The following TLK2 variants were observed in gnomAD, a reference collection of about 807,000 sequenced individuals.
TLK2 encodes the protein serine/threonine-protein kinase tousled-like 2.
In TLK2, 6 loss-of-function variants were observed where a neutral mutation model predicts 117.3. That is an observed-to-expected ratio of 0.05 (90% CI 0.03 to 0.10). TLK2 has a LOEUF of 0.10. Ranked by LOEUF, TLK2 falls within the 10% of genes least tolerant of loss-of-function variation. The pLI is 1.00. For synonymous variants in TLK2, 257 were observed against 316.7 expected (o/e 0.81, Z 2.00); for missense variants, 299 against 901.2 (o/e 0.33, Z 8.56).
intron 7 of TLK2, among the ~76,000 whole-genome samples, chr17:62,541,427 G>A (rs1015036117): frequency 1.3e-5 from 2 of 151,372 alleles, no homozygotes; most frequent in Admixed American, 6.6e-5. Flanking sequence ...TAAATGAATC[G>A]TAATATATTT....
chr17:62,586,014 G>A, intron 15 of TLK2, 121 bp from the exon 16 acceptor site: 6 of 675,886 alleles, frequency 8.9e-6, no homozygotes, highest in East Asian at 5.5e-5. Context: ...ATATAAGTAT[G>A]TGATGTATTT....
chr17:62,608,110 C>T lies in TLK2; in HGVS notation c.2041C>T (p.Gln681Ter). Residue 681 changes from glutamine (Q) to a stop codon, truncating the protein, a stop_gained, in exon 21 of 22, where the codon CAG (glutamine) becomes TAG (stop). Coordinates refer to ENST00000346027, the MANE Select transcript of TLK2 (RefSeq NM_006852.6). LOFTEE classifies it high-confidence loss of function. ...ENTILKATEV[Q>*]FPPKPVVTPE... ...TACGATTCTTAAAGCTACTGAAGTG[C>T]AGTTCCCGCCAAAGCCAGTAGTAAC... 6.2e-7 allele frequency: 1 copy of T among 1,613,980 alleles called. No individual in the cohort carries two copies.
chr17:62,570,303 G>A (rs2080175823), intron 11 of TLK2, among the ~76,000 whole-genome samples: 1 of 152,188 alleles, frequency 6.6e-6, no homozygotes, highest in East Asian at 1.9e-4. Context: ...AGATTTGAAT[G>A]AGATGGATTT....
intron 19 of TLK2, among the ~76,000 whole-genome samples, chr17:62,602,463 G>A (rs983157846): frequency 6.6e-6 from 1 of 152,158 alleles, no homozygotes; most frequent in Non-Finnish European, 1.5e-5. Flanking sequence ...AGTTGGCCTT[G>A]CAAGTCAGTA....
At chr17:62,594,865 T>C (rs2082351112) in intron 16 of TLK2, among the ~76,000 whole-genome samples, 1 of 151,918 alleles carries the variant, frequency 6.6e-6, no homozygotes, top group South Asian at 2.1e-4. Flanking sequence ...CCAACACATG[T>C]GCCTTTGGGA....
At chr17:62,557,505 T>C (rs922213282) in intron 9 of TLK2, among the ~76,000 whole-genome samples, 1 of 152,204 alleles carries the variant, frequency 6.6e-6, no homozygotes, top group Non-Finnish European at 1.5e-5. Flanking sequence ...CATCTTTGAA[T>C]GAGGAGACCC....
At chr17:62,478,275 T>C (rs1451392226), upstream of TLK2, among the ~76,000 whole-genome samples, 2 of 147,330 alleles carry the variant, frequency 1.4e-5, no homozygotes, top group Non-Finnish European at 3.0e-5. Context: ...ACTCCATCCC[T>C]GGGAAAAGCC....
At chr17:62,575,196 A>G (rs1271157195) in intron 12 of TLK2, among the ~76,000 whole-genome samples, 1 of 152,204 alleles carries the variant, frequency 6.6e-6, no homozygotes, top group East Asian at 1.9e-4. Context: ...GTCCTGTGTA[A>G]AATCCAATCT....
At chr17:62,521,542 G>A (rs1050622157) in intron 3 of TLK2, among the ~76,000 whole-genome samples, 2 of 152,196 alleles carry the variant, frequency 1.3e-5, no homozygotes, top group East Asian at 1.9e-4. Flanking sequence ...GTAGCTAGGT[G>A]CCACCGTGCC....
At chr17:62,564,623 G>A (rs1316722031) in intron 10 of TLK2, among the ~76,000 whole-genome samples, 1 of 151,152 alleles carries the variant, frequency 6.6e-6, no homozygotes, top group Non-Finnish European at 1.5e-5. Flanking sequence ...CAGGAGAATC[G>A]CTTGAACCCG....
intron 6 of TLK2, among the ~76,000 whole-genome samples, chr17:62,535,600 C>T (rs2077055016): frequency 6.6e-6 from 1 of 151,856 alleles, no homozygotes; most frequent in South Asian, 2.1e-4. Context: ...AACCCCGTCT[C>T]TACTAAAAAT....
intron 2 of TLK2, among the ~76,000 whole-genome samples, chr17:62,512,348 G>A (rs980408106): frequency 2.7e-5 from 4 of 148,466 alleles, no homozygotes; most frequent in Middle Eastern, 3.3e-3. Flanking sequence ...TCAGCCTCCC[G>A]AGTAGCTGGG....
chr17:62,576,705 T>G lies in TLK2; in HGVS notation c.1122-4T>G. ...TTACTGAAACTTTTACCACTGTTTT[T>G]CAGGTTAACGTTAGCAGAATACCAT... is the stretch of plus-strand genomic sequence containing the variant. On this transcript the variant is annotated splice_polypyrimidine_tract_variant and splice_region_variant and intron_variant, in intron 12 of 21. Transcript: ENST00000346027. 1 of 1,611,632 alleles carries G rather than the reference T, an allele frequency of 6.2e-7. No homozygotes were observed. Among genetic ancestry groups the G allele is most frequent in the Non-Finnish European group, 8.5e-7 (1 of 1,178,646 alleles).
At chr17:62,497,094 A>G (rs921458845) in intron 2 of TLK2, among the ~76,000 whole-genome samples, 6 of 152,042 alleles carry the variant, frequency 3.9e-5, no homozygotes, top group African/African-American at 1.4e-4. Context: ...CCATCTCTCC[A>G]AAAAATACAA....
chr17:62,492,457 G>GTT (rs1373069964), intron 2 of TLK2, among the ~76,000 whole-genome samples: 1 of 144,778 alleles, frequency 6.9e-6, no homozygotes, highest in Non-Finnish European at 1.5e-5. Context: ...TTATTAAACT[G>GTT]TTTTTTTTTT....
chr17:62,576,600 A>T, intron 12 of TLK2, 109 bp from the exon 13 acceptor site: 1 of 847,630 alleles, frequency 1.2e-6, no homozygotes, highest in South Asian at 1.5e-5. Context: ...CAGTCATTTT[A>T]ACTGAGACTG....
intron 16 of TLK2, among the ~76,000 whole-genome samples, chr17:62,592,010 A>G (rs2082119163): frequency 6.6e-6 from 1 of 151,392 alleles, no homozygotes; most frequent in Non-Finnish European, 1.5e-5. Context: ...GCTGGAGTGC[A>G]ATGGCGCAAT....
intron 9 of TLK2, among the ~76,000 whole-genome samples, chr17:62,554,768 A>C (rs1322043944): frequency 6.6e-6 from 1 of 151,902 alleles, no homozygotes; most frequent in South Asian, 2.1e-4. Context: ...GGTCCCAGCT[A>C]CTGGGAGCGT....
chr17:62,583,116 G>A (rs1420185397), intron 15 of TLK2, among the ~76,000 whole-genome samples: 1 of 152,134 alleles, frequency 6.6e-6, no homozygotes, highest in Non-Finnish European at 1.5e-5. Flanking sequence ...TTTTGAGACA[G>A]AGTCTTGCTC....
Sources: gnomAD v4.1 joint callset for allele counts (sites outside exome capture counted in the v4.1 genomes callset) on GRCh38, gnomAD v4.1.1 for gene constraint, MANE v1.5 for transcripts, NCBI Gene and HGNC (gene_info 2026-07-23, HGNC 2026-07-21) for gene names.